The following ITPKB variants were observed in gnomAD, a reference collection of about 807,000 sequenced individuals.
The protein encoded by ITPKB is IP3 3-kinase B.
ITPKB carries 13 observed loss-of-function variants against 69.4 expected under a neutral mutation model. The observed-to-expected ratio is 0.19, with a 90% CI of 0.12 to 0.30. ITPKB has a LOEUF of 0.30. Among genes scored for constraint, ITPKB ranks in the 10% least tolerant of loss-of-function variants. The pLI is 1.00. For synonymous variants in ITPKB, 584 were observed against 513.7 expected (o/e 1.14, Z -1.85); for missense variants, 1,240 against 1,250.5 (o/e 0.99, Z 0.13).
intron 2 of ITPKB, among the ~76,000 whole-genome samples, chr1:226,698,932 C>A (rs548310781): frequency 6.6e-6 from 1 of 152,360 alleles, no homozygotes; most frequent in Admixed American, 6.5e-5. Flanking sequence ...CAAGAAAGAA[C>A]TAGAAAGCCA....
chr1:226,707,524 A>G (rs1019119980), intron 2 of ITPKB: 3 of 985,178 alleles, frequency 3.0e-6, no homozygotes, highest in African/African-American at 1.7e-5. Flanking sequence ...AGAGAAAAAC[A>G]TGGAATGGAA....
intron 2 of ITPKB, among the ~76,000 whole-genome samples, chr1:226,699,620 G>C (rs987851987): frequency 1.3e-5 from 2 of 152,168 alleles, no homozygotes; most frequent in African/African-American, 4.8e-5. Context: ...AGCATATTAA[G>C]CATTCAATGA....
At chr1:226,732,753 A>G (rs1354838238) in intron 2 of ITPKB, among the ~76,000 whole-genome samples, 2 of 152,206 alleles carry the variant, frequency 1.3e-5, no homozygotes, top group African/African-American at 2.4e-5. Flanking sequence ...AAGATTGAGC[A>G]CTATCCTTGC....
intron 2 of ITPKB, among the ~76,000 whole-genome samples, chr1:226,673,505 A>G (rs1669662373): frequency 6.6e-6 from 1 of 152,212 alleles, no homozygotes; most frequent in Admixed American, 6.5e-5. Flanking sequence ...CACGGCAACT[A>G]GGTGGTGGTA....
At chr1:226,695,305 G>A (rs1656451780) in intron 2 of ITPKB, among the ~76,000 whole-genome samples, 1 of 152,094 alleles carries the variant, frequency 6.6e-6, no homozygotes, top group Non-Finnish European at 1.5e-5. Context: ...CAAAAATCAA[G>A]AGTCAAAATT....
chr1:226,665,736 G>A (rs1053100425), intron 2 of ITPKB, among the ~76,000 whole-genome samples: 1 of 152,254 alleles, frequency 6.6e-6, no homozygotes, highest in African/African-American at 2.4e-5. Context: ...CACTGTGGTC[G>A]TGGCTGAGCA....
rs976653587 is a variant in ITPKB at position 226,637,860 on chromosome 1, C to T, written c.2554-110G>A. 49 of 773,848 alleles carry T rather than the reference C, an allele frequency of 6.3e-5. No individual in the cohort carries two copies. Among genetic ancestry groups the T allele is most frequent in the African/African-American group, 6.2e-4 (36 of 57,802 alleles). The allele number at this position is 773,848 out of a possible 1,614,324, so 47.9% of individuals were successfully genotyped here. A position where few individuals can be genotyped will look rare whatever the true frequency, so the allele number is the denominator to read the frequency against. On this transcript the variant is annotated intron_variant, in intron 6 of 7. Transcript: ENST00000429204. This position sits in a 1 kb window ranked among gnomAD's most constrained non-coding sequence, Gnocchi z 4.3. ...TCCCGTGAATGTGCTTTACCCTAAA[C>T]GCCGGACATCTAGAGGCAGCTTCCT...
intron 2 of ITPKB, among the ~76,000 whole-genome samples, chr1:226,701,322 T>C (rs1445736285): frequency 1.3e-5 from 2 of 151,650 alleles, no homozygotes; most frequent in East Asian, 3.9e-4. Flanking sequence ...AACTTCACTT[T>C]GGCCGGGCGC....
At chr1:226,660,042 G>A (rs973206979) in intron 2 of ITPKB, among the ~76,000 whole-genome samples, 2 of 152,200 alleles carry the variant, frequency 1.3e-5, no homozygotes, top group African/African-American at 2.4e-5. Context: ...ACAAGAGGGG[G>A]CATATTTGTG....
chr1:226,701,465 G>C (rs919729075), intron 2 of ITPKB, among the ~76,000 whole-genome samples: 1 of 151,376 alleles, frequency 6.6e-6, no homozygotes. Flanking sequence ...TTAGCCGGGC[G>C]TGGTGGTGGG....
At chr1:226,671,275 A>G (rs1417369351) in intron 2 of ITPKB, among the ~76,000 whole-genome samples, 1 of 152,240 alleles carries the variant, frequency 6.6e-6, no homozygotes, top group Non-Finnish European at 1.5e-5. Context: ...GGGTAAGAAC[A>G]GGATCAGAAA....
In ITPKB at chr1:226,699,632, C is replaced by T. The variant is rs1199816406; in HGVS notation, c.1932+35895G>A. ...TGGAGCATATTAAGCATTCAATGAA[C>T]GTTAGTCAGTATCATCTTTACTGTC... On this transcript the variant is annotated intron_variant, in intron 2 of 7. Transcript: ENST00000429204. Among the ~76,000 whole-genome samples, 4 of 152,250 alleles carry T rather than the reference C, an allele frequency of 2.6e-5. No homozygotes were observed. In the East Asian group the frequency reaches 7.7e-4, roughly 29 times the overall value.
At chr1:226,697,095 T>C (rs967115951) in intron 2 of ITPKB, among the ~76,000 whole-genome samples, 14 of 152,162 alleles carry the variant, frequency 9.2e-5, no homozygotes, top group South Asian at 2.1e-4. Context: ...CTGAGAGCAA[T>C]AGAATATAGT....
rs1215680675 is a variant in ITPKB at position 226,652,679 on chromosome 1, C to A, written c.1933-3908G>T. 4.6e-5 allele frequency among the ~76,000 whole-genome samples: 7 copies of A among 152,198 alleles called. No homozygotes were observed. The East Asian group carries it at 1.2e-3, about 25-fold the overall frequency. On this transcript the variant is annotated intron_variant, in intron 2 of 7. Transcript: ENST00000429204. ...TGGTGTGGCAAAGGGTACCTGGTCC[C>A]CTGCCCAGGGCAGAGCTGGCCACCT...
In ITPKB at chr1:226,633,129, T is replaced by A. The variant is rs1668758495; in HGVS notation, c.*1542A>T. The A allele has an allele frequency of 6.6e-6, 1 of 152,202 alleles. No homozygotes were observed. The highest frequency in any genetic ancestry group is 2.1e-4 in the South Asian group (1 of 4,828). The allele number at this position is 152,202 out of a possible 1,614,324, so 9.4% of individuals were successfully genotyped here. A position where few individuals can be genotyped will look rare whatever the true frequency, so the allele number is the denominator to read the frequency against. On this transcript the variant is annotated 3_prime_UTR_variant, in exon 8 of 8. Transcript: ENST00000429204. ...CTTTTTTAAAATCTGTACTTATACA[T>A]CCTCATGTGTCCCACCCTCCACCCC... is the stretch of plus-strand genomic sequence containing the variant.
intron 4 of ITPKB, among the ~76,000 whole-genome samples, chr1:226,644,296 G>C (rs1669021453): frequency 6.6e-6 from 1 of 152,200 alleles, no homozygotes; most frequent in Non-Finnish European, 1.5e-5. Context: ...TCCCCTGCCT[G>C]CCCGAGACAA....
chr1:226,697,247 T>A (rs927099182), intron 2 of ITPKB, among the ~76,000 whole-genome samples: 8 of 152,210 alleles, frequency 5.3e-5, no homozygotes, highest in Non-Finnish European at 1.0e-4. Flanking sequence ...AAAGTAGCAA[T>A]AGTTGCTGTG....
chr1:226,723,500 G>A (rs1571875918), intron 2 of ITPKB, among the ~76,000 whole-genome samples: 2 of 152,094 alleles, frequency 1.3e-5, no homozygotes, highest in Non-Finnish European at 2.9e-5. Flanking sequence ...AATCACACAC[G>A]TCCAGAGACC....
intron 2 of ITPKB, among the ~76,000 whole-genome samples, chr1:226,710,854 G>A (rs759715091): frequency 6.6e-6 from 1 of 152,228 alleles, no homozygotes; most frequent in Non-Finnish European, 1.5e-5. Flanking sequence ...CAGGGGTGGG[G>A]AGAAGGAAGT....
Sources: gnomAD v4.1 joint callset for allele counts (sites outside exome capture counted in the v4.1 genomes callset) on GRCh38, gnomAD v4.1.1 for gene constraint, Gnocchi (gnomAD v3.1) non-coding constraint, MANE v1.5 for transcripts, NCBI Gene and HGNC (gene_info 2026-07-23, HGNC 2026-07-21) for gene names.